The following PTGER4 variants were observed in gnomAD, a reference collection of about 807,000 sequenced individuals.
The protein encoded by PTGER4 is prostaglandin E receptor 4.
PTGER4 carries 11 observed loss-of-function variants against 33.2 expected under a neutral mutation model. The ratio of observed to expected loss-of-function variants is 0.33; its 90% confidence interval spans 0.21 to 0.55. The LOEUF is 0.55. Ranked by LOEUF, PTGER4 falls within the 20% of genes least tolerant of loss-of-function variation. The probability of loss-of-function intolerance (pLI) is 0.92; values close to 1 mark genes in which losing one functional copy is unlikely to be tolerated. For synonymous variants in PTGER4, 275 were observed against 281.5 expected (o/e 0.98, Z 0.23); for missense variants, 481 against 650.2 (o/e 0.74, Z 2.83).
the PTGER4 span, among the ~76,000 whole-genome samples, chr5:40,700,151 T>C: frequency 3.3e-5 from 5 of 152,356 alleles, no homozygotes; most frequent in East Asian, 1.9e-4. Flanking sequence ...GTAATAGTTA[T>C]CAAAATTGGA....
Position 40,680,898 on chromosome 5 carries a change from A to T in PTGER4, c.-43-53A>T. 1 of 1,463,884 alleles carries T rather than the reference A, an allele frequency of 6.8e-7. No individual in the cohort carries two copies. The highest frequency in any genetic ancestry group is 1.3e-5 in the South Asian group (1 of 75,428). 90.7% of individuals were successfully genotyped at this position (1,463,884 alleles called of 1,614,324 possible). A position where few individuals can be genotyped will look rare whatever the true frequency, so the allele number is the denominator to read the frequency against. On this transcript the variant is annotated intron_variant, in intron 1 of 2. Coordinates refer to ENST00000302472, the MANE Select transcript of PTGER4 (RefSeq NM_000958.3). This position sits in a 1 kb window ranked among gnomAD's most constrained non-coding sequence, Gnocchi z 5.5. The stretch of plus-strand genomic sequence containing the variant: ...TTCTCGGGCGCGGGTCTAACACCTT[A>T]CAAGTGGTAATTTCCGCTCACGGCA...
intron 2 of PTGER4, among the ~76,000 whole-genome samples, chr5:40,690,430 G>A (rs751414809): frequency 9.9e-5 from 15 of 152,082 alleles, no homozygotes; most frequent in Admixed American, 5.9e-4. Context: ...TGCTCCATTC[G>A]CTGAATCATT....
chr5:40,697,126 A>G (rs186106406), downstream of PTGER4, among the ~76,000 whole-genome samples: 158 of 135,528 alleles, frequency 1.2e-3, 3 homozygotes, highest in East Asian at 0.03. Flanking sequence ...AAAAAGAAAG[A>G]AAGGAAGGAA....
chr5:40,730,410 T>C, the PTGER4 span: 5 of 1,270,638 alleles, frequency 3.9e-6, no homozygotes, highest in South Asian at 2.5e-5. Flanking sequence ...CAAAAAAAAA[T>C]TTTTATTGTA....
chr5:40,707,746 C>T, the PTGER4 span, among the ~76,000 whole-genome samples: 2 of 152,140 alleles, frequency 1.3e-5, no homozygotes, highest in African/African-American at 4.8e-5. Context: ...CAGCACCACA[C>T]CACACCTATT....
the PTGER4 span, among the ~76,000 whole-genome samples, chr5:40,717,698 T>A: frequency 1.3e-5 from 2 of 152,194 alleles, no homozygotes. Flanking sequence ...CTAAATCTAT[T>A]ATATGTTGTT....
In PTGER4 at chr5:40,688,530, A is replaced by T. The variant is rs45463094; in HGVS notation, c.868-3249A>T. 9.5e-3 allele frequency among the ~76,000 whole-genome samples: 1,450 copies of T among 152,294 alleles called. 26 individuals carry two copies. Among genetic ancestry groups the T allele is most frequent in the African/African-American group, 0.033 (1,362 of 41,562 alleles). The stretch of plus-strand genomic sequence containing the variant: ...TGTCAGGAAATAATAATTAAACAGA[A>T]AGCCAGACTGGTAGAACAGAAAAGG... On this transcript the variant is annotated intron_variant, in intron 2 of 2. Coordinates refer to ENST00000302472, the MANE Select transcript of PTGER4 (RefSeq NM_000958.3).
At chr5:40,725,172 A>C in the PTGER4 span, among the ~76,000 whole-genome samples, 1 of 148,302 alleles carries the variant, frequency 6.7e-6, no homozygotes, top group East Asian at 2.0e-4. Context: ...TTTTTTTGTA[A>C]ATATAGGATC....
the PTGER4 span, chr5:40,715,023 A>G: frequency 1.3e-5 from 2 of 151,938 alleles, no homozygotes; most frequent in Non-Finnish European, 1.5e-5. Flanking sequence ...TTTCAATAAA[A>G]TTTTTTTTAA....
the PTGER4 span, among the ~76,000 whole-genome samples, chr5:40,713,712 G>A: frequency 2.0e-5 from 3 of 152,070 alleles, no homozygotes; most frequent in African/African-American, 7.2e-5. Context: ...CAAGAATAAT[G>A]TAAATTATAG....
chr5:40,688,423 G>A (rs1450457545), intron 2 of PTGER4, among the ~76,000 whole-genome samples: 2 of 152,166 alleles, frequency 1.3e-5, no homozygotes, highest in Admixed American at 6.5e-5. Context: ...CAGATTTAAC[G>A]CCATCATTTC....
At chr5:40,694,562 C>T (rs1233958435), downstream of PTGER4, among the ~76,000 whole-genome samples, 1 of 152,174 alleles carries the variant, frequency 6.6e-6, no homozygotes, top group African/African-American at 2.4e-5. Context: ...GCAGATGGCT[C>T]CCTTCTTTCT....
chr5:40,733,183 G>A, the PTGER4 span, among the ~76,000 whole-genome samples: 2 of 152,260 alleles, frequency 1.3e-5, no homozygotes, highest in East Asian at 3.9e-4. Flanking sequence ...ACAAAAACAT[G>A]AGAATTCTAC....
downstream of PTGER4, among the ~76,000 whole-genome samples, chr5:40,697,156 G>T (rs1208831737): frequency 8.1e-6 from 1 of 123,820 alleles, no homozygotes; most frequent in Non-Finnish European, 1.7e-5. Flanking sequence ...GAAAGAGAAA[G>T]AAAGAAAAGA....
At chr5:40,696,837 A>G (rs1458010389), downstream of PTGER4, 1 of 538,170 alleles carries the variant, frequency 1.9e-6, no homozygotes, top group East Asian at 1.5e-4. Context: ...AATTCCAAGA[A>G]CAATGAACAA....
rs985424767 is a variant in PTGER4 at position 40,683,483 on chromosome 5, A to T, written c.867+1623A>T. On this transcript the variant is annotated intron_variant, in intron 2 of 2. Coordinates refer to ENST00000302472, the MANE Select transcript of PTGER4 (RefSeq NM_000958.3). The surrounding 1 kb of genome is among the most constrained non-coding windows in gnomAD (Gnocchi z 4.2). ...TTTGGAAGAAACAACACTGCTCCTG[A>T]TGGGGCCCCTGTTCCTGGGCCTCTG... Among the ~76,000 whole-genome samples, 1 of 152,230 alleles carries T rather than the reference A, an allele frequency of 6.6e-6. No homozygotes were observed.
At chr5:40,741,346 CCATCAAAGACACTCCATTCTGAATGG>C in the PTGER4 span, among the ~76,000 whole-genome samples, 21 of 152,280 alleles carry the variant, frequency 1.4e-4, no homozygotes, top group Non-Finnish European at 1.0e-4. Flanking sequence ...TTTCTGGTGA[CCATCAAAGACACTCCATTCTGAATGG>C]CTGAAGCTTG....
chr5:40,720,595 T>A, the PTGER4 span, among the ~76,000 whole-genome samples: 1 of 151,938 alleles, frequency 6.6e-6, no homozygotes, highest in Non-Finnish European at 1.5e-5. Context: ...GGCAGAGGAG[T>A]AGCATCAGCA....
chr5:40,714,899 G>GT, the PTGER4 span: 1 of 152,138 alleles, frequency 6.6e-6, no homozygotes, highest in Non-Finnish European at 1.5e-5. Context: ...ATCTTCCTGA[G>GT]TGTCAGAAGT....
Sources: gnomAD v4.1 joint callset for allele counts (sites outside exome capture counted in the v4.1 genomes callset) on GRCh38, gnomAD v4.1.1 for gene constraint, Gnocchi (gnomAD v3.1) non-coding constraint, MANE v1.5 for transcripts, NCBI Gene and HGNC (gene_info 2026-07-23, HGNC 2026-07-21) for gene names.